The following SCOC variants were observed in gnomAD, a reference collection of about 807,000 sequenced individuals.
SCOC encodes the protein short coiled coil protein.
SCOC carries 7 observed loss-of-function variants against 9.9 expected under a neutral mutation model. The ratio of observed to expected loss-of-function variants is 0.71; its 90% CI spans 0.40 to 1.33. SCOC has a LOEUF of 1.33. Ranked by LOEUF, SCOC falls within the 40% of genes most tolerant of loss-of-function variation. SCOC has a pLI of 0.01. For missense variants in SCOC, 66 were observed against 89.7 expected (o/e 0.74, Z 1.07); for synonymous variants, 19 against 28.2 (o/e 0.67, Z 1.03).
At chr4:140,305,446 C>T (rs192646320) in intron 1 of SCOC, among the ~76,000 whole-genome samples, 1 of 152,302 alleles carries the variant, frequency 6.6e-6, no homozygotes, top group Non-Finnish European at 1.5e-5. Flanking sequence ...TGTCTTATAT[C>T]TGTATGGACC....
intron 1 of SCOC, among the ~76,000 whole-genome samples, chr4:140,261,971 C>A (rs983720182): frequency 6.6e-6 from 1 of 152,236 alleles, no homozygotes; most frequent in Non-Finnish European, 1.5e-5. Context: ...AGAATTAAAA[C>A]ACAAGAGAGG....
At chr4:140,287,379 A>G (rs1246768865) in intron 1 of SCOC, among the ~76,000 whole-genome samples, 1 of 151,984 alleles carries the variant, frequency 6.6e-6, no homozygotes, top group Non-Finnish European at 1.5e-5. Flanking sequence ...ACGAACATGT[A>G]GAAACCATAG....
upstream of SCOC, among the ~76,000 whole-genome samples, chr4:140,372,807 T>C (rs930068149): frequency 1.3e-5 from 2 of 152,220 alleles, no homozygotes; most frequent in Non-Finnish European, 2.9e-5. Context: ...TACCTTGTAC[T>C]CAACGAATAT....
At chr4:140,361,441 A>G (rs539048717) in intron 2 of SCOC, among the ~76,000 whole-genome samples, 17 of 152,234 alleles carry the variant, frequency 1.1e-4, no homozygotes, top group Non-Finnish European at 2.2e-4. Flanking sequence ...GGGTGGGAGG[A>G]TCACTTGAGC....
intron 1 of SCOC, among the ~76,000 whole-genome samples, chr4:140,377,943 T>G (rs1475413822): frequency 1.3e-5 from 2 of 152,214 alleles, no homozygotes; most frequent in African/African-American, 2.4e-5. Context: ...TGTAGTAGAT[T>G]AGATTGGTTA....
chr4:140,316,307 A>G (rs746039411), intron 1 of SCOC, among the ~76,000 whole-genome samples: 7 of 152,210 alleles, frequency 4.6e-5, no homozygotes, highest in Non-Finnish European at 7.3e-5. Context: ...TCCCAAGTCA[A>G]TAACGACTTC....
chr4:140,299,367 T>A (rs1171301862), intron 1 of SCOC, among the ~76,000 whole-genome samples: 1 of 152,194 alleles, frequency 6.6e-6, no homozygotes, highest in Non-Finnish European at 1.5e-5. Context: ...GTCATATGAA[T>A]TCATAAGGAA....
chr4:140,313,355 G>A (rs189725074), intron 1 of SCOC, among the ~76,000 whole-genome samples: 14 of 152,160 alleles, frequency 9.2e-5, no homozygotes, highest in Non-Finnish European at 1.8e-4. Context: ...AGCGATTCTC[G>A]ATTCTCCTGT....
At chr4:140,340,808 T>TC (rs140552446), upstream of SCOC, among the ~76,000 whole-genome samples, 22 of 111,812 alleles carry the variant, frequency 2.0e-4, 2 homozygotes, top group South Asian at 8.7e-4. Context: ...TTTTTTTTTT[T>TC]AGAGGGATAG....
chr4:140,267,415 C>T (rs1730752325), intron 1 of SCOC, among the ~76,000 whole-genome samples: 1 of 152,212 alleles, frequency 6.6e-6, no homozygotes. Context: ...GTGAGACCAG[C>T]TTTGCGGGGT....
chr4:140,326,643 A>C (rs1560702367), intron 1 of SCOC, among the ~76,000 whole-genome samples: 1 of 151,660 alleles, frequency 6.6e-6, no homozygotes, highest in Non-Finnish European at 1.5e-5. Flanking sequence ...TTATAGGCAG[A>C]CCCCCCCCCC....
At chr4:140,380,482 G>A (rs1728531177) in intron 3 of SCOC, among the ~76,000 whole-genome samples, 1 of 151,982 alleles carries the variant, frequency 6.6e-6, no homozygotes, top group African/African-American at 2.4e-5. Flanking sequence ...ACAGGTGCGA[G>A]CCACCGTGCC....
chr4:140,343,575 T>G, intron 1 of SCOC: 1 of 1,306,388 alleles, frequency 7.7e-7, no homozygotes, highest in South Asian at 1.2e-5. Context: ...GGCGGTCACA[T>G]GGGACAACTG....
intron 1 of SCOC, among the ~76,000 whole-genome samples, chr4:140,325,913 A>T (rs1021447191): frequency 1.5e-4 from 23 of 152,238 alleles, no homozygotes; most frequent in African/African-American, 5.5e-4. Context: ...CAGTCATTCC[A>T]AACGAGAAAC....
intron 1 of SCOC, among the ~76,000 whole-genome samples, chr4:140,303,416 G>A (rs1471527196): frequency 6.6e-6 from 1 of 152,208 alleles, no homozygotes; most frequent in Non-Finnish European, 1.5e-5. Flanking sequence ...CTCAGGCCCT[G>A]TGGCCCTGCT....
intron 1 of SCOC, among the ~76,000 whole-genome samples, chr4:140,293,746 G>A (rs1296350050): frequency 1.3e-5 from 2 of 152,322 alleles, no homozygotes; most frequent in African/African-American, 4.8e-5. Context: ...ATCAGCCATT[G>A]CCTCCCAGCA....
At chr4:140,271,044 G>A (rs985259628) in intron 1 of SCOC, among the ~76,000 whole-genome samples, 2 of 152,066 alleles carry the variant, frequency 1.3e-5, no homozygotes, top group Admixed American at 6.6e-5. Context: ...ATCTATAATT[G>A]TATAAAAAGA....
chr4:140,309,758 T>C (rs1732097540), intron 1 of SCOC, among the ~76,000 whole-genome samples: 2 of 152,188 alleles, frequency 1.3e-5, no homozygotes, highest in African/African-American at 4.8e-5. Context: ...AAAAGAGAGT[T>C]ACTCTGAAGT....
At chr4:140,347,419 C>T (rs147217347) in intron 2 of SCOC, among the ~76,000 whole-genome samples, 8 of 152,298 alleles carry the variant, frequency 5.3e-5, no homozygotes, top group South Asian at 2.1e-4. Context: ...AGACATTAGA[C>T]GGCATTGATC....
Sources: allele counts gnomAD v4.1 joint callset (sites outside exome capture counted in the v4.1 genomes callset), GRCh38; gene constraint gnomAD v4.1.1; transcripts MANE v1.5; gene names NCBI Gene and HGNC (gene_info 2026-07-23, HGNC 2026-07-21).